The following COL4A4 variants were observed in gnomAD, a reference collection of about 807,000 sequenced individuals.
COL4A4 encodes the protein collagen alpha-4(IV) chain.
COL4A4 carries 105 observed loss-of-function variants against 192.9 expected under a neutral mutation model. That is an observed-to-expected ratio of 0.54 (90% confidence interval 0.46 to 0.64). COL4A4 has a LOEUF of 0.64. COL4A4 is among the 30% of genes least tolerant of loss of function. The pLI is 0.00. For missense variants in COL4A4, 1,967 were observed against 2,169.3 expected, an observed-to-expected ratio of 0.91 and a Z score of 1.85; for synonymous variants, 762 against 769.9, an observed-to-expected ratio of 0.99 and a Z score of 0.17.
At position 227,008,076 on chromosome 2, in the gene COL4A4, G is replaced by A. The variant is rs1962567144; in HGVS notation, c.4751C>T (p.Ser1584Phe). 2.5e-6 allele frequency: 4 copies of A among 1,614,056 alleles called. No individual in the cohort carries two copies. The highest frequency in any genetic ancestry group is 3.4e-6 in the Non-Finnish European group (4 of 1,180,014). ...CCAGGTCTGCGGACATGGGGGGATG[G>A]ACTGGTCCTGGCTGTGCACCGCCAC... ...QAVAVHSQDQ[S>F]IPPCPQTWRS... The change falls in exon 47 of 48, where the codon TCC becomes TTC. Residue 1584 changes from serine (S) to phenylalanine (F), a missense_variant. By Grantham distance (155) the Ser-to-Phe change is radical. Coordinates refer to ENST00000396625, the MANE Select transcript of COL4A4 (RefSeq NM_000092.5).
intron 37 of COL4A4, among the ~76,000 whole-genome samples, chr2:227,041,178 T>G (rs1970743002): frequency 6.6e-6 from 1 of 152,170 alleles, no homozygotes; most frequent in Admixed American, 6.5e-5. Flanking sequence ...TATTAATGTC[T>G]TTCTCTCCTG....
intron 25 of COL4A4, among the ~76,000 whole-genome samples, chr2:227,064,575 A>G (rs2058178013): frequency 6.6e-6 from 1 of 152,234 alleles, no homozygotes; most frequent in Non-Finnish European, 1.5e-5. Context: ...TCACCAAGCC[A>G]TATAGTTATC....
chr2:226,992,634 AC>A, the COL4A4 span, among the ~76,000 whole-genome samples: 1 of 152,220 alleles, frequency 6.6e-6, no homozygotes, highest in Non-Finnish European at 1.5e-5. Context: ...GCAGAGTCCC[AC>A]AGAATTGAGA....
intron 34 of COL4A4, among the ~76,000 whole-genome samples, chr2:227,047,849 T>C (rs1358582142): frequency 6.6e-6 from 1 of 152,034 alleles, no homozygotes; most frequent in African/African-American, 2.4e-5. Flanking sequence ...CAACTTTAGG[T>C]TTCTATTTAA....
At chr2:227,094,338 G>A (rs774833701) in intron 19 of COL4A4, 49 bp from the exon 20 acceptor site, 146 of 1,572,586 alleles carry the variant, frequency 9.3e-5, no homozygotes, top group South Asian at 1.6e-4. Context: ...CAGAGTAAAC[G>A]TCTCTGTAGA....
intron 41 of COL4A4, among the ~76,000 whole-genome samples, chr2:227,029,956 G>A (rs1170380104): frequency 6.6e-6 from 1 of 152,208 alleles, no homozygotes; most frequent in African/African-American, 2.4e-5. Flanking sequence ...TGTGCTGTCA[G>A]TGTGGAACAC....
the COL4A4 span, among the ~76,000 whole-genome samples, chr2:226,985,213 T>C: frequency 2.6e-5 from 4 of 152,138 alleles, no homozygotes; most frequent in African/African-American, 9.7e-5. Context: ...AAATTCAGGA[T>C]TAGAACTGGT....
rs1344387419 is a variant in COL4A4 at position 227,003,096 on chromosome 2, A to G, written c.*4229T>C. 1 of 152,366 alleles carries G rather than the reference A, an allele frequency of 6.6e-6. No homozygotes were observed. The highest frequency in any genetic ancestry group is 1.5e-5 in the Non-Finnish European group (1 of 68,032). 9.4% of individuals were successfully genotyped at this position (152,366 alleles called of 1,614,324 possible). A position where few individuals can be genotyped will look rare whatever the true frequency, so the allele number is the denominator to read the frequency against. Reference sequence around the variant, plus strand: ...TAATGTCCCTGCAGGAAATTGTGATATTTTCTGTGCTACAGTAACTTTGAG... The same window carrying G: ...TAATGTCCCTGCAGGAAATTGTGATGTTTTCTGTGCTACAGTAACTTTGAG... On this transcript the variant is annotated 3_prime_UTR_variant, in exon 48 of 48. Coordinates refer to ENST00000396625, the MANE Select transcript of COL4A4 (RefSeq NM_000092.5).
chr2:227,042,053 G>C, intron 37 of COL4A4, 95 bp downstream of exon 37: 1 of 813,770 alleles, frequency 1.2e-6, no homozygotes, highest in South Asian at 1.3e-5. Context: ...GTATAACCAA[G>C]AGCAGGGTCA....
intron 1 of COL4A4, among the ~76,000 whole-genome samples, chr2:227,148,235 G>C (rs1024932473): frequency 6.6e-6 from 1 of 152,164 alleles, no homozygotes; most frequent in African/African-American, 2.4e-5. Context: ...ATAACAGCCA[G>C]AAGGTGAACA....
chr2:227,094,542 G>A (rs1192942186), intron 19 of COL4A4, among the ~76,000 whole-genome samples: 1 of 152,156 alleles, frequency 6.6e-6, no homozygotes, highest in Non-Finnish European at 1.5e-5. Context: ...CCAGGGGCTG[G>A]GGGAAGAGAG....
rs1354637374 is a variant in COL4A4 at position 227,060,147 on chromosome 2, G to A, written c.2153C>T (p.Pro718Leu). The A allele has an allele frequency of 1.9e-5, 30 of 1,554,796 alleles. No homozygotes were observed. The highest frequency in any genetic ancestry group is 2.4e-5 in the Non-Finnish European group (27 of 1,134,954). The change falls in exon 27 of 48, where the codon CCA (proline) becomes CTA (leucine). Residue 718 changes from proline to leucine, a missense_variant. By Grantham distance (98) the Pro-to-Leu change is moderately conservative (BLOSUM62 -3). Coordinates refer to ENST00000396625, the MANE Select transcript of COL4A4 (RefSeq NM_000092.5). ...AAAACCTCACTGACCAGGTGGACCT[G>A]GTATTTCCGCTGTTCCTGGTGTGCC... The part of the protein sequence containing the change: ...RPGTPGTAEI[P>L]GPPGFRGDMG...
chr2:227,012,246 G>C lies in COL4A4; in HGVS notation c.4268C>G (p.Pro1423Arg), dbSNP rs756690138. The change falls in exon 45 of 48, where the codon CCT becomes CGT. Residue 1423 changes from proline to arginine, a missense_variant. By Grantham distance (103) the Pro-to-Arg change is moderately radical. Coordinates refer to ENST00000396625, the MANE Select transcript of COL4A4 (RefSeq NM_000092.5). ...ACGTCCGGGAGGCCCAGGAGACCCA[G>C]GGACGCCATCCACACCCCTCCTGCC... ...LDGRRGVDGV[P>R]GSPGPPGRKG... The C allele has an allele frequency of 1.9e-6, 3 of 1,614,118 alleles. No homozygotes were observed. The East Asian group carries it at 6.7e-5, about 36-fold the overall frequency.
rs1163191947 is a variant in COL4A4, at chr2:227,123,702, T to G, written c.193-2554A>C. Among the ~76,000 whole-genome samples, 1 of 152,188 alleles carries G rather than the reference T, an allele frequency of 6.6e-6. No homozygotes were observed. The highest frequency in any genetic ancestry group is 2.4e-5 in the African/African-American group (1 of 41,444). On this transcript the variant is annotated intron_variant, in intron 4 of 47. Transcript: ENST00000396625. The surrounding 1 kb of genome is among the most constrained non-coding windows in gnomAD (Gnocchi z 4.6). Reference sequence around the variant, plus strand: ...TGGATAAAGCCCTGACAGACACAGATGCCAGCAGCTGAAGTCCCCCAGAGC... The same window carrying G: ...TGGATAAAGCCCTGACAGACACAGAGGCCAGCAGCTGAAGTCCCCCAGAGC...
Position 227,109,216 on chromosome 2 carries a change from G to A in COL4A4, c.657+8C>T, listed in dbSNP as rs748310077. On this transcript the variant is annotated splice_region_variant and intron_variant, in intron 10 of 47. Coordinates refer to ENST00000396625, the MANE Select transcript of COL4A4 (RefSeq NM_000092.5). ...TTAAAGGGATCACATCAGCAGTGCT[G>A]TACTTACCACTAACCCTGGCTCTCC... 24 of 1,611,876 alleles carry A rather than the reference G, an allele frequency of 1.5e-5. No homozygotes were observed. In the South Asian group the frequency reaches 2.3e-4, roughly 15 times the overall value.
At chr2:227,135,683 C>T (rs967510548) in intron 4 of COL4A4, among the ~76,000 whole-genome samples, 8 of 151,890 alleles carry the variant, frequency 5.3e-5, no homozygotes, top group Non-Finnish European at 1.0e-4. Context: ...ACTCTTGTCA[C>T]CCAGGCTGAA....
chr2:227,120,280 G>T (rs551492613), intron 5 of COL4A4, among the ~76,000 whole-genome samples: 1 of 152,174 alleles, frequency 6.6e-6, no homozygotes, highest in Non-Finnish European at 1.5e-5. Context: ...ACTACCCAAA[G>T]TTGGGGTAGA....
the COL4A4 span, among the ~76,000 whole-genome samples, chr2:226,986,588 C>T: frequency 6.6e-6 from 1 of 152,198 alleles, no homozygotes. Context: ...AAAAGCTCAT[C>T]ATCACTGGTC....
intron 7 of COL4A4, among the ~76,000 whole-genome samples, chr2:227,118,095 G>T (rs1478435096): frequency 2.0e-5 from 3 of 151,988 alleles, no homozygotes; most frequent in Non-Finnish European, 4.4e-5. Flanking sequence ...GACAGGCAGT[G>T]GTTACAGTGC....
Sources: allele counts gnomAD v4.1 joint callset (sites outside exome capture counted in the v4.1 genomes callset), GRCh38; gene constraint gnomAD v4.1.1; non-coding constraint Gnocchi (gnomAD v3.1); transcripts MANE v1.5; gene names NCBI Gene and HGNC (gene_info 2026-07-23, HGNC 2026-07-21).